Variants in DAB2IP observed in about 807,000 individuals in gnomAD.
DAB2IP encodes the protein DAB2 interacting protein.
Under a neutral mutation model 107.2 loss-of-function variants are expected in DAB2IP, and 28 were observed. That is an observed-to-expected ratio of 0.26 (90% CI 0.19 to 0.36). DAB2IP has a LOEUF of 0.36. Ranked by LOEUF, DAB2IP falls within the 10% of genes least tolerant of loss-of-function variation. The pLI, the probability that DAB2IP is intolerant of heterozygous loss-of-function variation, is 1.00. For missense variants in DAB2IP, 1,400 were observed against 1,644.7 expected (o/e 0.85, Z 2.57); for synonymous variants, 755 against 706.4 (o/e 1.07, Z -1.09).
chr9:121,774,236 C>A, intron 12 of DAB2IP, 24 bp from the exon 13 acceptor site: 1 of 1,585,796 alleles, frequency 6.3e-7, no homozygotes, highest in East Asian at 2.3e-5. Context: ...CCCTGCAGCC[C>A]CTCACAGCTG....
intron 5 of DAB2IP, among the ~76,000 whole-genome samples, 195 bp downstream of exon 5, chr9:121,759,191 G>A (rs1209212448): frequency 6.6e-6 from 1 of 152,224 alleles, no homozygotes; most frequent in Non-Finnish European, 1.5e-5. Flanking sequence ...CAGGTGCTGT[G>A]TGCCTCTGTT....
At chr9:121,693,966 C>T (rs530735231) in intron 2 of DAB2IP, among the ~76,000 whole-genome samples, 1 of 152,316 alleles carries the variant, frequency 6.6e-6, no homozygotes, top group South Asian at 2.1e-4. Flanking sequence ...TCCCTAGGGG[C>T]TGCCTCCTCG....
At position 121,699,483 on chromosome 9, in the gene DAB2IP, C is replaced by T; in HGVS notation, c.362+25C>T. 2.3e-6 allele frequency: 3 copies of T among 1,279,848 alleles called. No homozygotes were observed. The highest frequency in any genetic ancestry group is 4.3e-5 in the Admixed American group (1 of 23,506). The allele number at this position is 1,279,848 out of a possible 1,614,324, so 79.3% of individuals were successfully genotyped here. A position where few individuals can be genotyped will look rare whatever the true frequency, so the allele number is the denominator to read the frequency against. On this transcript the variant is annotated intron_variant, in intron 3 of 15. Transcript: ENST00000408936. This position sits in a 1 kb window ranked among gnomAD's most constrained non-coding sequence, Gnocchi z 6.2. The stretch of plus-strand genomic sequence containing the variant: ...GGTGAGCCCGCCGCCGCCGCCCGGT[C>T]CCCCGCGCCGCCGCCCCGGGCTGCG...
chr9:121,611,183 A>T (rs779151974), intron 1 of DAB2IP, among the ~76,000 whole-genome samples: 11 of 152,242 alleles, frequency 7.2e-5, no homozygotes, highest in Non-Finnish European at 1.5e-4. Context: ...CATGTTGGCC[A>T]GGCTGGTCTC....
intron 3 of DAB2IP, chr9:121,737,376 T>C: frequency 1.0e-6 from 1 of 985,414 alleles, no homozygotes; most frequent in Non-Finnish European, 1.2e-6. Flanking sequence ...TCACTGTGTT[T>C]ATTTAAGTCA....
At chr9:121,643,018 G>T (rs928231273) in intron 1 of DAB2IP, among the ~76,000 whole-genome samples, 6 of 151,080 alleles carry the variant, frequency 4.0e-5, no homozygotes, top group African/African-American at 1.4e-4. Flanking sequence ...AACGCCCTGA[G>T]GTGGGACCAC....
intron 1 of DAB2IP, among the ~76,000 whole-genome samples, chr9:121,580,459 C>T (rs1830166053): frequency 6.6e-6 from 1 of 152,068 alleles, no homozygotes; most frequent in South Asian, 2.1e-4. Flanking sequence ...GGAGGAGGAT[C>T]GCTTGAGATT....
At chr9:121,587,083 C>T (rs1412730233) in intron 1 of DAB2IP, among the ~76,000 whole-genome samples, 2 of 152,126 alleles carry the variant, frequency 1.3e-5, no homozygotes, top group African/African-American at 4.8e-5. Context: ...CCTCAGTAAC[C>T]TGACGAAAAA....
In DAB2IP at chr9:121,641,907, T is replaced by TTC. The variant is rs1554718143; in HGVS notation, c.41-36769_41-36768dup. On this transcript the variant is annotated intron_variant, in intron 1 of 16. Transcript: ENST00000259371. ...CATTTCTTTCCCTTTCTTTCTTTCT[T>TTC]TCTTTCTTTCTTTCTTTCTTTCTTT... Among the ~76,000 whole-genome samples the TTC allele has an allele frequency of 3.6e-4, 43 of 119,808 alleles. 1 individual carries two copies. Among genetic ancestry groups the TTC allele is most frequent in the African/African-American group, 1.5e-3 (38 of 25,078 alleles). The allele number at this position is 119,808 out of a possible 152,430, so 78.6% of individuals were successfully genotyped here.
In DAB2IP at chr9:121,772,512, C is replaced by T. The variant is rs1834835252; in HGVS notation, c.2079-95C>T. The T allele has an allele frequency of 7.2e-7, 1 of 1,386,420 alleles. No homozygotes were observed. The highest frequency in any genetic ancestry group is 9.9e-7 in the Non-Finnish European group (1 of 1,008,422). 85.9% of individuals were successfully genotyped at this position (1,386,420 alleles called of 1,614,324 possible). A position where few individuals can be genotyped will look rare whatever the true frequency, so the allele number is the denominator to read the frequency against. On this transcript the variant is annotated intron_variant, in intron 11 of 15. Coordinates refer to ENST00000408936, the Ensembl canonical transcript of DAB2IP. The surrounding 1 kb of genome is among the most constrained non-coding windows in gnomAD (Gnocchi z 4.7). ...GCTGGCTCAGGCTGCCAGGCCCCGG[C>T]AGGTTGGCGGGTGCTGTCGGTTTGG...
At chr9:121,590,264 G>C (rs147262292) in intron 1 of DAB2IP, among the ~76,000 whole-genome samples, 17 of 150,164 alleles carry the variant, frequency 1.1e-4, no homozygotes, top group Non-Finnish European at 1.9e-4. Flanking sequence ...GATCGGAGCT[G>C]CTTTCTCCTT....
rs941595501 is a variant in DAB2IP, at chr9:121,702,830, C to A, written c.362+3372C>A. 2.0e-4 allele frequency among the ~76,000 whole-genome samples: 31 copies of A among 152,112 alleles called. No homozygotes were observed. The highest frequency in any genetic ancestry group is 7.5e-4 in the African/African-American group (31 of 41,414). ...TTCCTTCTCTCTCCTGATGCTGTTT[C>A]TGGGTGACTCTAGCCCTCCACACCT... On this transcript the variant is annotated intron_variant, in intron 3 of 15. Coordinates refer to ENST00000408936, the Ensembl canonical transcript of DAB2IP. This position sits in a 1 kb window ranked among gnomAD's most constrained non-coding sequence, Gnocchi z 4.5.
At chr9:121,766,982 C>A (rs758935269) in intron 9 of DAB2IP, among the ~76,000 whole-genome samples, 4 of 152,116 alleles carry the variant, frequency 2.6e-5, no homozygotes, top group Non-Finnish European at 5.9e-5. Context: ...ACATTTTTTT[C>A]CTTCTGCTTT....
chr9:121,689,049 T>C (rs1471906226), intron 2 of DAB2IP, among the ~76,000 whole-genome samples: 1 of 152,076 alleles, frequency 6.6e-6, no homozygotes, highest in African/African-American at 2.4e-5. Context: ...TCCCAGCATT[T>C]TGGGAGGTTG....
chr9:121,603,326 T>C lies in DAB2IP; in HGVS notation c.40+36098T>C, dbSNP rs900903427. On this transcript the variant is annotated intron_variant, in intron 1 of 16. Transcript: ENST00000259371. Reference sequence around the variant, plus strand: ...ATACAGGGTGGAGGAATCGCCTGCATAGACCCCAGCTGTATCACAATTCTG... The same window carrying C: ...ATACAGGGTGGAGGAATCGCCTGCACAGACCCCAGCTGTATCACAATTCTG... 2.5e-4 allele frequency among the ~76,000 whole-genome samples: 38 copies of C among 152,366 alleles called. 1 individual carries two copies. The highest frequency in any genetic ancestry group is 1.2e-3 in the East Asian group (6 of 5,188).
intron 1 of DAB2IP, among the ~76,000 whole-genome samples, chr9:121,638,407 C>T (rs1395569908): frequency 6.6e-6 from 1 of 152,098 alleles, no homozygotes; most frequent in Non-Finnish European, 1.5e-5. Flanking sequence ...GGATCCAATA[C>T]CCCTGGGATA....
intron 1 of DAB2IP, among the ~76,000 whole-genome samples, chr9:121,570,174 C>T (rs1027515066): frequency 3.0e-5 from 4 of 135,464 alleles, no homozygotes; most frequent in South Asian, 4.6e-4. Context: ...TGCAGTGGTG[C>T]GATCTCAGCT....
At chr9:121,592,996 A>G (rs1228412549) in intron 1 of DAB2IP, among the ~76,000 whole-genome samples, 1 of 152,176 alleles carries the variant, frequency 6.6e-6, no homozygotes, top group African/African-American at 2.4e-5. Context: ...AGAGCCCCAG[A>G]AGCACTAACT....
chr9:121,679,135 C>T (rs1485126841), intron 2 of DAB2IP, among the ~76,000 whole-genome samples: 3 of 151,866 alleles, frequency 2.0e-5, no homozygotes, highest in African/African-American at 4.8e-5. Context: ...TCTGCAACCC[C>T]GAAAAGATGC....
Sources: gnomAD v4.1 joint callset for allele counts (sites outside exome capture counted in the v4.1 genomes callset) on GRCh38, gnomAD v4.1.1 for gene constraint, Gnocchi (gnomAD v3.1) non-coding constraint, MANE v1.5 for transcripts, NCBI Gene and HGNC (gene_info 2026-07-23, HGNC 2026-07-21) for gene names.